The following TANC2 variants were observed in gnomAD, a reference collection of about 807,000 sequenced individuals.
TANC2 encodes protein TANC2.
TANC2 carries 26 observed loss-of-function variants against 210.5 expected under a neutral mutation model. That is an observed-to-expected ratio of 0.12 (90% CI 0.09 to 0.17). The LOEUF is 0.17. TANC2 is among the 10% of genes least tolerant of loss of function. The pLI, the probability that TANC2 is intolerant of heterozygous loss-of-function variation, is 1.00. For synonymous variants in TANC2, 931 were observed against 967.1 expected (o/e 0.96, Z 0.69); for missense variants, 2,129 against 2,608.9 (o/e 0.82, Z 4.01).
At chr17:63,354,472 A>G (rs1476978023) in intron 13 of TANC2, among the ~76,000 whole-genome samples, 1 of 152,208 alleles carries the variant, frequency 6.6e-6, no homozygotes, top group Non-Finnish European at 1.5e-5. Context: ...AAATTACAGC[A>G]AAAGAGTTAT....
At chr17:63,089,366 C>A (rs371175302) in intron 3 of TANC2, among the ~76,000 whole-genome samples, 1 of 152,126 alleles carries the variant, frequency 6.6e-6, no homozygotes, top group African/African-American at 2.4e-5. Context: ...AAGATACTTT[C>A]ATTCTGGAGG....
rs2042674434 is a variant in TANC2, at chr17:63,238,131, C to A, written c.1033+54C>A. ...GCTGTTGTTAAATAATCATTTTACT[C>A]CAGTATATATTGAAATGAAAATAAA... On this transcript the variant is annotated intron_variant, in intron 8 of 27. Coordinates refer to ENST00000689528, the Ensembl canonical transcript of TANC2. The A allele has an allele frequency of 2.7e-6, 4 of 1,463,656 alleles. No homozygotes were observed. The South Asian group carries it at 5.8e-5, about 21-fold the overall frequency. The allele number at this position is 1,463,656 out of a possible 1,614,324, so 90.7% of individuals were successfully genotyped here. A position where few individuals can be genotyped will look rare whatever the true frequency, so the allele number is the denominator to read the frequency against.
At chr17:63,268,336 CAAGTGGAA>C in intron 9 of TANC2, among the ~76,000 whole-genome samples, 1 of 152,158 alleles carries the variant, frequency 6.6e-6, no homozygotes, top group Non-Finnish European at 1.5e-5. Context: ...CATGACACCA[CAAGTGGAA>C]AATTCCACAC....
In TANC2 at chr17:62,966,493, C is replaced by CCCG. The variant is rs985735212; in HGVS notation, c.-270_-268dup. On this transcript the variant is annotated 5_prime_UTR_variant, in exon 1 of 28. Coordinates refer to ENST00000689528, the Ensembl canonical transcript of TANC2. This position sits in a 1 kb window ranked among gnomAD's most constrained non-coding sequence, Gnocchi z 5.1. Reference sequence around the variant, plus strand: ...GCCGCGCGCTAGGCGGAGCGAGGCGCCCGCCGCCGCCGAGCCGAGCCGAGG... The same window carrying CCCG: ...GCCGCGCGCTAGGCGGAGCGAGGCGCCCGCCGCCGCCGCCGAGCCGAGCCGAGG... Among the ~76,000 whole-genome samples, 26 of 148,860 alleles carry CCCG rather than the reference C, an allele frequency of 1.7e-4. No individual in the cohort carries two copies. Among genetic ancestry groups the CCCG allele is most frequent in the Admixed American group, 1.4e-3 (21 of 15,004 alleles).
At chr17:63,243,509 G>A (rs1323736817) in intron 8 of TANC2, among the ~76,000 whole-genome samples, 1 of 152,152 alleles carries the variant, frequency 6.6e-6, no homozygotes, top group Non-Finnish European at 1.5e-5. Flanking sequence ...CAATGAAAAA[G>A]AACACACTAC....
chr17:63,367,976 A>C (rs972262593), intron 14 of TANC2, among the ~76,000 whole-genome samples: 3 of 152,244 alleles, frequency 2.0e-5, no homozygotes, highest in African/African-American at 7.2e-5. Context: ...AGTCGAAATG[A>C]AGGGAAGAGA....
chr17:63,200,871 G>A lies in TANC2; in HGVS notation c.683G>A (p.Ser228Asn), dbSNP rs1355559251. ...CCCTGCTCTACACTCCCACCCATCA[G>A]TACAAATGCAACTGCCAAGGACTGC... is the stretch of plus-strand genomic sequence containing the variant. The change falls in exon 7 of 28, where the codon AGT becomes AAT. Residue 228 changes from serine (S) to asparagine (N), a missense_variant. By Grantham distance (46) the Ser-to-Asn change is conservative (BLOSUM62 1). Transcript: ENST00000689528. The A allele has an allele frequency of 6.2e-7, 1 of 1,613,758 alleles. No homozygotes were observed. Among genetic ancestry groups the A allele is most frequent in the East Asian group, 2.2e-5 (1 of 44,868 alleles).
chr17:63,292,070 T>G (rs1260536040), intron 9 of TANC2, among the ~76,000 whole-genome samples: 2 of 152,174 alleles, frequency 1.3e-5, no homozygotes, highest in African/African-American at 2.4e-5. Flanking sequence ...CTTTAAACAT[T>G]TTAAGTTTGA....
intron 12 of TANC2, among the ~76,000 whole-genome samples, chr17:63,347,566 A>G: frequency 6.6e-6 from 1 of 152,344 alleles, no homozygotes; most frequent in Non-Finnish European, 1.5e-5. Context: ...TTCAATTTAG[A>G]GTCAGAAGCT....
intron 24 of TANC2, chr17:63,413,028 C>CA: frequency 3.0e-6 from 1 of 333,388 alleles, no homozygotes; most frequent in Non-Finnish European, 5.4e-6. Flanking sequence ...TGTGCTCCTG[C>CA]TTCAAAGTGA....
At chr17:62,983,056 T>C (rs1387373050) in intron 1 of TANC2, among the ~76,000 whole-genome samples, 1 of 152,176 alleles carries the variant, frequency 6.6e-6, no homozygotes, top group East Asian at 1.9e-4. Flanking sequence ...TTTGGGGTAA[T>C]CATTTTAACA....
intron 14 of TANC2, among the ~76,000 whole-genome samples, chr17:63,358,906 T>G (rs1014871961): frequency 6.6e-6 from 1 of 152,034 alleles, no homozygotes; most frequent in Non-Finnish European, 1.5e-5. Context: ...GTTCTGTTTC[T>G]ATTCCTCATT....
intron 4 of TANC2, among the ~76,000 whole-genome samples, chr17:63,105,125 G>A (rs939126165): frequency 2.0e-5 from 3 of 151,758 alleles, no homozygotes; most frequent in South Asian, 2.1e-4. Flanking sequence ...AAACAATTAC[G>A]CTAAGTCAGT....
At chr17:63,201,832 A>G (rs931275795) in intron 7 of TANC2, among the ~76,000 whole-genome samples, 2 of 151,788 alleles carry the variant, frequency 1.3e-5, no homozygotes, top group African/African-American at 4.8e-5. Flanking sequence ...TGGAGGGCTC[A>G]TTCATGTTCA....
chr17:63,068,062 A>C (rs2036265404), intron 2 of TANC2, among the ~76,000 whole-genome samples: 1 of 152,196 alleles, frequency 6.6e-6, no homozygotes, highest in Non-Finnish European at 1.5e-5. Context: ...TCTTGAAAGC[A>C]GCCCGAGAGA....
chr17:62,997,722 C>A (rs1253774427), intron 1 of TANC2, among the ~76,000 whole-genome samples: 1 of 152,078 alleles, frequency 6.6e-6, no homozygotes, highest in Non-Finnish European at 1.5e-5. Flanking sequence ...TTTCTTCAAT[C>A]TTTAAACTAT....
Position 63,256,429 on chromosome 17 carries a change from AT to A in TANC2, c.1034-11318del, listed in dbSNP as rs575740178. Reference sequence around the variant, plus strand: ...GTATCCAGAGTTCCTCTTGTTACTCATGTCTAGTTTTATTCCATTGTGGTCA... The same window carrying A: ...GTATCCAGAGTTCCTCTTGTTACTCAGTCTAGTTTTATTCCATTGTGGTCA... On this transcript the variant is annotated intron_variant, in intron 8 of 27. Coordinates refer to ENST00000689528, the Ensembl canonical transcript of TANC2. Among the ~76,000 whole-genome samples, 424 of 152,150 alleles carry A rather than the reference AT, an allele frequency of 2.8e-3. 2 individuals carry two copies. The highest frequency in any genetic ancestry group is 4.8e-3 in the Non-Finnish European group (324 of 67,984).
chr17:63,347,249 G>C (rs999359132), intron 12 of TANC2, among the ~76,000 whole-genome samples: 1 of 152,112 alleles, frequency 6.6e-6, no homozygotes, highest in African/African-American at 2.4e-5. Flanking sequence ...CAAAATAATA[G>C]TACAATCAGT....
At chr17:63,308,771 A>G (rs2045014091) in intron 9 of TANC2, among the ~76,000 whole-genome samples, 1 of 152,214 alleles carries the variant, frequency 6.6e-6, no homozygotes, top group South Asian at 2.1e-4. Context: ...CATGCATGAC[A>G]GAATAATTTG....
Sources: allele counts gnomAD v4.1 joint callset (sites outside exome capture counted in the v4.1 genomes callset), GRCh38; gene constraint gnomAD v4.1.1; non-coding constraint Gnocchi (gnomAD v3.1); transcripts MANE v1.5; gene names NCBI Gene and HGNC (gene_info 2026-07-23, HGNC 2026-07-21).